PTPN9: variants seen among roughly 807,000 people sequenced by gnomAD.
PTPN9 encodes the protein tyrosine-protein phosphatase non-receptor type 9.
PTPN9 carries 26 observed loss-of-function variants against 69.8 expected under a neutral mutation model. The ratio of observed to expected loss-of-function variants is 0.37; its 90% CI spans 0.27 to 0.52. The LOEUF (loss-of-function observed/expected upper bound fraction) is 0.52, where lower values mean the gene tolerates loss of function less well. Among genes scored for constraint, PTPN9 ranks in the 20% least tolerant of loss-of-function variants. The pLI, the probability that PTPN9 is intolerant of heterozygous loss-of-function variation, is 0.91. For missense variants in PTPN9, 549 were observed against 740.3 expected (o/e 0.74, Z 3.00); for synonymous variants, 274 against 272.5 (o/e 1.01, Z -0.05).
chr15:75,503,269 G>C (rs989026415), intron 7 of PTPN9, among the ~76,000 whole-genome samples: 166 of 145,544 alleles, frequency 1.1e-3, no homozygotes, highest in Middle Eastern at 0.011. Flanking sequence ...TGAGATGTGG[G>C]GAGCGCCTCT....
intron 1 of PTPN9, among the ~76,000 whole-genome samples, chr15:75,565,745 TA>T (rs2075124194): frequency 6.6e-6 from 1 of 152,192 alleles, no homozygotes; most frequent in South Asian, 2.1e-4. Flanking sequence ...GATGACCTTT[TA>T]ATATTTTATC....
At chr15:75,473,376 A>C (rs1033212651) in intron 10 of PTPN9, among the ~76,000 whole-genome samples, 2 of 152,070 alleles carry the variant, frequency 1.3e-5, no homozygotes, top group Non-Finnish European at 2.9e-5. Context: ...CAGCCTCCCA[A>C]GTAGCTGGGA....
chr15:75,480,400 C>A (rs998404976), intron 8 of PTPN9, among the ~76,000 whole-genome samples: 1 of 152,070 alleles, frequency 6.6e-6, no homozygotes, highest in Non-Finnish European at 1.5e-5. Context: ...GTCAGGAGAT[C>A]GAGACCATCC....
At chr15:75,553,152 A>T (rs1388158845) in intron 1 of PTPN9, among the ~76,000 whole-genome samples, 2 of 152,168 alleles carry the variant, frequency 1.3e-5, no homozygotes, top group Non-Finnish European at 2.9e-5. Context: ...CATAAGACTC[A>T]ACAAATGGTA....
chr15:75,478,645 A>G (rs151149949), intron 9 of PTPN9, among the ~76,000 whole-genome samples: 2 of 152,256 alleles, frequency 1.3e-5, no homozygotes, highest in East Asian at 3.9e-4. Flanking sequence ...AACTTTGGAG[A>G]GTCTGAGCCA....
chr15:75,531,958 T>C (rs531024286), intron 1 of PTPN9, among the ~76,000 whole-genome samples: 1 of 152,250 alleles, frequency 6.6e-6, no homozygotes, highest in Admixed American at 6.5e-5. Context: ...ACCAGAATAA[T>C]AGAACATATT....
In PTPN9 at chr15:75,498,559, A is replaced by G. The variant is rs567142172; in HGVS notation, c.968+7116T>C. On this transcript the variant is annotated intron_variant, in intron 7 of 12. Transcript: ENST00000618819. ...GTGAAACCCTGACTGTAGTAAAAAT[A>G]CAAAAATTCGTCAGGCATGGTGGTG... 9.5e-4 allele frequency among the ~76,000 whole-genome samples: 144 copies of G among 152,020 alleles called. 5 individuals carry two copies. In the South Asian group the frequency reaches 0.03, roughly 31 times the overall value.
At chr15:75,571,263 GA>G (rs1432467178) in intron 1 of PTPN9, among the ~76,000 whole-genome samples, 1 of 151,506 alleles carries the variant, frequency 6.6e-6, no homozygotes, top group African/African-American at 2.4e-5. Flanking sequence ...GTCTCAAAAA[GA>G]AAAAAACAAA....
chr15:75,572,718 AAAAAAGAAAGAAAG>A (rs1482657230), intron 1 of PTPN9, among the ~76,000 whole-genome samples: 1 of 152,146 alleles, frequency 6.6e-6, no homozygotes, highest in South Asian at 2.1e-4. Context: ...AAAAAAAAGA[AAAAAAGAAAGAAAG>A]AAAAAGAAAG....
chr15:75,498,048 T>A (rs2074752818), intron 7 of PTPN9, among the ~76,000 whole-genome samples: 1 of 150,232 alleles, frequency 6.7e-6, no homozygotes, highest in South Asian at 2.1e-4. Context: ...AAAAAAAAAT[T>A]AGCTGGGCGT....
At chr15:75,503,470 C>G (rs1434190956) in intron 7 of PTPN9, among the ~76,000 whole-genome samples, 2 of 147,918 alleles carry the variant, frequency 1.4e-5, no homozygotes, top group East Asian at 4.1e-4. Context: ...TGAGGAGTCC[C>G]TCTGCCCGGC....
intron 2 of PTPN9, among the ~76,000 whole-genome samples, chr15:75,525,146 T>C (rs1156860305): frequency 6.6e-6 from 1 of 152,042 alleles, no homozygotes; most frequent in Non-Finnish European, 1.5e-5. Flanking sequence ...CCACCTGATA[T>C]TGTCTCCAAC....
chr15:75,564,961 C>T (rs544635798), intron 1 of PTPN9, among the ~76,000 whole-genome samples: 23 of 151,504 alleles, frequency 1.5e-4, no homozygotes, highest in South Asian at 4.2e-4. Flanking sequence ...AATTAGCTGG[C>T]GTGGTGGCAC....
chr15:75,492,325 T>G (rs2074715562), intron 7 of PTPN9, among the ~76,000 whole-genome samples: 1 of 152,056 alleles, frequency 6.6e-6, no homozygotes, highest in South Asian at 2.1e-4. Flanking sequence ...TTCAACTCAT[T>G]TTGACAGAGA....
rs538521905 is a variant in PTPN9 at position 75,527,146 on chromosome 15, C to T, written c.179G>A (p.Arg60His). 48 of 1,614,132 alleles carry T rather than the reference C, an allele frequency of 3.0e-5. No homozygotes were observed. The highest frequency in any genetic ancestry group is 4.5e-5 in the East Asian group (2 of 44,882). The change falls in exon 2 of 13, where the codon CGT (arginine) becomes CAT (histidine). Residue 60 changes from arginine (R) to histidine (H), a missense_variant. This residue lies in a region of PTPN9 where 457 missense variants were observed against 661.9 expected (regional missense o/e 0.69). Transcript: ENST00000618819. ...FLMARKFDVL[R>H]AIELFHSYRE... ...GTAGGAGTGGAACAATTCTATGGCA[C>T]GGAGCACATCAAACTTCCTTGCCAT... is the stretch of plus-strand genomic sequence containing the variant.
intron 5 of PTPN9, among the ~76,000 whole-genome samples, chr15:75,514,047 C>T (rs1179960008): frequency 4.1e-5 from 6 of 145,334 alleles, no homozygotes; most frequent in East Asian, 2.0e-4. Flanking sequence ...TGCAGTGAGC[C>T]GAGATAGCAC....
intron 9 of PTPN9, among the ~76,000 whole-genome samples, chr15:75,474,041 C>T (rs2074583206): frequency 6.6e-6 from 1 of 152,180 alleles, no homozygotes; most frequent in South Asian, 2.1e-4. Flanking sequence ...CTCTCAGAGT[C>T]TTAATCATCA....
chr15:75,537,753 CAAAAAAAAAA>C (rs1164644727), intron 1 of PTPN9, among the ~76,000 whole-genome samples: 5 of 11,390 alleles, frequency 4.4e-4, no homozygotes, highest in African/African-American at 1.4e-3. Flanking sequence ...GACTCCATCT[CAAAAAAAAAA>C]AAAAAAAAAA....
intron 8 of PTPN9, among the ~76,000 whole-genome samples, chr15:75,483,096 C>G (rs2074653547): frequency 6.6e-6 from 1 of 152,148 alleles, no homozygotes; most frequent in South Asian, 2.1e-4. Context: ...AAACTGAAAC[C>G]CTCATACATG....
Sources: gnomAD v4.1 joint callset for allele counts (sites outside exome capture counted in the v4.1 genomes callset) on GRCh38, gnomAD v4.1.1 for gene constraint, gnomAD v4.1.1 regional missense constraint, MANE v1.5 for transcripts, NCBI Gene and HGNC (gene_info 2026-07-23, HGNC 2026-07-21) for gene names.